Variants in ORC2 observed in about 807,000 individuals in gnomAD.
ORC2 encodes origin recognition complex protein 2 homolog.
A neutral mutation model predicts 77.7 loss-of-function variants in ORC2; 37 were observed. The ratio of observed to expected loss-of-function variants is 0.48; its 90% CI spans 0.37 to 0.63. ORC2 has a LOEUF of 0.63. Ranked by LOEUF, ORC2 falls within the 20% of genes least tolerant of loss-of-function variation. The pLI, the probability that ORC2 is intolerant of heterozygous loss-of-function variation, is 0.00. For synonymous variants in ORC2, 201 were observed against 229.5 expected (o/e 0.88, Z 1.12); for missense variants, 557 against 661.9 (o/e 0.84, Z 1.74).
chr2:200,923,681 T>C (rs1273975881), intron 13 of ORC2, among the ~76,000 whole-genome samples: 1 of 152,124 alleles, frequency 6.6e-6, no homozygotes, highest in African/African-American at 2.4e-5. Flanking sequence ...ATCACAGCCT[T>C]CTTGTGCTTG....
rs777461975 is a variant in ORC2, at chr2:200,957,500, T to G, written c.139A>C (p.Lys47Gln). 9.7e-5 allele frequency: 157 copies of G among 1,611,082 alleles called. No homozygotes were observed. Among genetic ancestry groups the G allele is most frequent in the African/African-American group, 1.7e-4 (13 of 74,776 alleles). ...KERAQLLVNP[K>Q]KIIKKPEYDL... The stretch of plus-strand genomic sequence containing the variant: ...TATTCTGGCTTCTTTATTATTTTTT[T>G]GGGGTTGACCAAAAGCTGCGCTCGC... The change falls in exon 4 of 18, where the codon AAA (lysine) becomes CAA (glutamine). Residue 47 changes from lysine (K) to glutamine (Q), a missense_variant. Transcript: ENST00000234296.
Position 200,926,846 on chromosome 2 carries a change from T to TTCTAGTAAATCTAGTAAATCTAGTAAA in ORC2, c.971_972insTTTACTAGATTTACTAGATTTACTAGA (p.Leu323_Glu324insAspLeuLeuAspLeuLeuAspLeuLeu). ...CTTGCAGCATAGTGGTTCGAAACCT[T>TTCTAGTAAATCTAGTAAATCTAGTAAA]TCTAGTAAATCTCTCTTAGAACCCA... On this transcript the variant is annotated inframe_insertion, in exon 12 of 18. Transcript: ENST00000234296. 1 of 1,613,754 alleles carries TTCTAGTAAATCTAGTAAATCTAGTAAA rather than the reference T, an allele frequency of 6.2e-7. No individual in the cohort carries two copies. The highest frequency in any genetic ancestry group is 8.5e-7 in the Non-Finnish European group (1 of 1,179,698).
At chr2:200,949,790 T>G (rs999930821) in intron 4 of ORC2, 147 bp from the exon 5 acceptor site, 1 of 454,570 alleles carries the variant, frequency 2.2e-6, no homozygotes, top group African/African-American at 2.0e-5. Context: ...TGGAAATACA[T>G]AGTAAAGAAA....
intron 15 of ORC2, among the ~76,000 whole-genome samples, chr2:200,917,485 A>C (rs2040676899): frequency 6.6e-6 from 1 of 152,112 alleles, no homozygotes; most frequent in Non-Finnish European, 1.5e-5. Flanking sequence ...CAGTGTTCAA[A>C]TCAGCTTTAC....
chr2:200,942,091 G>C (rs1351586171), intron 6 of ORC2, among the ~76,000 whole-genome samples: 1 of 152,064 alleles, frequency 6.6e-6, no homozygotes, highest in Non-Finnish European at 1.5e-5. Flanking sequence ...GAGGCTAGAG[G>C]ATCACTTGAG....
At position 200,915,829 on chromosome 2, in the gene ORC2, G is replaced by A. The variant is rs541180049; in HGVS notation, c.1467-1837C>T. Among the ~76,000 whole-genome samples the A allele has an allele frequency of 2.3e-4, 35 of 151,928 alleles. 1 individual carries two copies. The highest frequency in any genetic ancestry group is 4.1e-4 in the Non-Finnish European group (28 of 68,020). On this transcript the variant is annotated intron_variant, in intron 15 of 17. Coordinates refer to ENST00000234296, the MANE Select transcript of ORC2 (RefSeq NM_006190.5). ...ATGCCTCAGACTCCTGAGTAGTTGC[G>A]ATTACAGGTGGACACCACCACGCCC...
intron 5 of ORC2, among the ~76,000 whole-genome samples, chr2:200,945,944 A>G (rs1329834840): frequency 6.6e-6 from 1 of 152,046 alleles, no homozygotes; most frequent in East Asian, 1.9e-4. Flanking sequence ...CTGGATCTCA[A>G]TCTATTTTTA....
In ORC2 at chr2:200,935,687, C is replaced by G. The variant is rs1559014527; in HGVS notation, c.708+12G>C. 2 of 1,576,298 alleles carry G rather than the reference C, an allele frequency of 1.3e-6. No homozygotes were observed. On this transcript the variant is annotated intron_variant, in intron 9 of 17. Transcript: ENST00000234296. Reference sequence around the variant, plus strand: ...ATTTTTCTTTAAGGTTAAAGTCTCTCTCTTCACTTACTGTTTTATCTCTTT... The same window carrying G: ...ATTTTTCTTTAAGGTTAAAGTCTCTGTCTTCACTTACTGTTTTATCTCTTT...
At chr2:200,914,861 T>C (rs2040613394) in intron 15 of ORC2, among the ~76,000 whole-genome samples, 1 of 152,134 alleles carries the variant, frequency 6.6e-6, no homozygotes, top group African/African-American at 2.4e-5. Context: ...CCATTAACAC[T>C]TGGTGTTGAG....
intron 13 of ORC2, among the ~76,000 whole-genome samples, chr2:200,924,737 A>G (rs746734166): frequency 2.6e-5 from 4 of 152,204 alleles, no homozygotes; most frequent in Non-Finnish European, 4.4e-5. Flanking sequence ...TGATATGTAC[A>G]CAGAATAAAG....
chr2:200,928,828 C>CA (rs1054590891), intron 11 of ORC2, among the ~76,000 whole-genome samples: 6 of 147,952 alleles, frequency 4.1e-5, no homozygotes, highest in African/African-American at 7.4e-5. Flanking sequence ...AAAAAAACAA[C>CA]AAAAAAAAAG....
chr2:200,920,505 G>C, intron 14 of ORC2, 112 bp from the exon 15 acceptor site: 1 of 888,876 alleles, frequency 1.1e-6, no homozygotes, highest in Middle Eastern at 3.8e-4. Flanking sequence ...GAATCCCCAA[G>C]TTTTTCATTT....
intron 9 of ORC2, among the ~76,000 whole-genome samples, chr2:200,935,370 G>T (rs16835965): frequency 6.6e-6 from 1 of 152,098 alleles, no homozygotes; most frequent in Non-Finnish European, 1.5e-5. Context: ...TGATCCACCC[G>T]CCTTGGCCTC....
chr2:200,916,618 TAAC>T (rs2040657748), intron 15 of ORC2, among the ~76,000 whole-genome samples: 1 of 152,246 alleles, frequency 6.6e-6, no homozygotes, highest in Non-Finnish European at 1.5e-5. Flanking sequence ...TTATTAGTAA[TAAC>T]AAAACAGAAT....
chr2:200,929,047 G>A (rs766409856), intron 11 of ORC2, among the ~76,000 whole-genome samples: 40 of 151,940 alleles, frequency 2.6e-4, no homozygotes, highest in Non-Finnish European at 4.0e-4. Context: ...TGCCTCCCGC[G>A]TTCAAGCAAT....
chr2:200,925,766 A>G, intron 13 of ORC2, 70 bp downstream of exon 13: 1 of 628,288 alleles, frequency 1.6e-6, no homozygotes, highest in Non-Finnish European at 2.9e-6. Flanking sequence ...GTATGTATAT[A>G]AATACATGAA....
chr2:200,934,766 C>T (rs535203224), intron 9 of ORC2, among the ~76,000 whole-genome samples: 3 of 152,124 alleles, frequency 2.0e-5, no homozygotes, highest in South Asian at 2.1e-4. Flanking sequence ...TCCAGTCAAG[C>T]GGAATTTTCT....
At chr2:200,930,127 A>G (rs528152960) in intron 11 of ORC2, among the ~76,000 whole-genome samples, 1 of 152,062 alleles carries the variant, frequency 6.6e-6, no homozygotes, top group East Asian at 1.9e-4. Context: ...CTAAAGTCCA[A>G]CTCCGTGATT....
At chr2:200,916,805 C>T (rs994835639) in intron 15 of ORC2, among the ~76,000 whole-genome samples, 2 of 151,770 alleles carry the variant, frequency 1.3e-5, no homozygotes, top group Non-Finnish European at 2.9e-5. Flanking sequence ...TGGGTTCACG[C>T]CATTCTCCTG....
Sources: gnomAD v4.1 joint callset for allele counts (sites outside exome capture counted in the v4.1 genomes callset) on GRCh38, gnomAD v4.1.1 for gene constraint, MANE v1.5 for transcripts, NCBI Gene and HGNC (gene_info 2026-07-23, HGNC 2026-07-21) for gene names.